SAMTOR: variants seen among roughly 807,000 people sequenced by gnomAD.
SAMTOR encodes UPF0532 protein C7orf60.
chr7:112,856,596 T>A, the SAMTOR span, among the ~76,000 whole-genome samples: 7 of 152,226 alleles, frequency 4.6e-5, no homozygotes, highest in Non-Finnish European at 8.8e-5. Flanking sequence ...ATATCTTTTT[T>A]GCTATAGTTT....
chr7:112,885,819 A>G, the SAMTOR span, among the ~76,000 whole-genome samples: 5 of 152,136 alleles, frequency 3.3e-5, no homozygotes, highest in African/African-American at 1.2e-4. Context: ...AGTTGCTCCC[A>G]CATTTTTGGG....
At chr7:112,836,586 A>G in the SAMTOR span, among the ~76,000 whole-genome samples, 1 of 151,990 alleles carries the variant, frequency 6.6e-6, no homozygotes, top group Admixed American at 6.6e-5. Context: ...GTTATCTTCC[A>G]AGGTTTTTCT....
the SAMTOR span, among the ~76,000 whole-genome samples, chr7:112,922,510 G>T: frequency 6.6e-6 from 1 of 151,726 alleles, no homozygotes; most frequent in Admixed American, 6.6e-5. Flanking sequence ...TAGGAAGTGA[G>T]GAGCGCCTCT....
chr7:112,864,785 C>A, the SAMTOR span, among the ~76,000 whole-genome samples: 1 of 152,204 alleles, frequency 6.6e-6, no homozygotes, highest in South Asian at 2.1e-4. Flanking sequence ...GACAGGGTCT[C>A]TCTCTGTCAC....
the SAMTOR span, among the ~76,000 whole-genome samples, chr7:112,826,799 A>T: frequency 5.3e-5 from 8 of 152,248 alleles, no homozygotes; most frequent in East Asian, 1.5e-3. Context: ...GCATTTTGAT[A>T]TCTTGTATTT....
the SAMTOR span, among the ~76,000 whole-genome samples, chr7:112,891,260 T>C: frequency 5.9e-5 from 9 of 152,242 alleles, no homozygotes; most frequent in Non-Finnish European, 1.0e-4. Context: ...TTATGCATTA[T>C]AAGCTTTGTA....
chr7:112,908,888 C>A, the SAMTOR span, among the ~76,000 whole-genome samples: 1 of 152,054 alleles, frequency 6.6e-6, no homozygotes, highest in Admixed American at 6.6e-5. Flanking sequence ...ATAACGAGAC[C>A]GGGTGAGACT....
chr7:112,905,126 A>T, the SAMTOR span, among the ~76,000 whole-genome samples: 2 of 152,196 alleles, frequency 1.3e-5, no homozygotes, highest in African/African-American at 4.8e-5. Flanking sequence ...AAATTATTCA[A>T]CCTAGCCAAT....
the SAMTOR span, among the ~76,000 whole-genome samples, chr7:112,869,736 C>A: frequency 6.6e-6 from 1 of 152,068 alleles, no homozygotes; most frequent in African/African-American, 2.4e-5. Context: ...AATAAAATGA[C>A]TGAAATGATA....
the SAMTOR span, among the ~76,000 whole-genome samples, chr7:112,900,783 G>C: frequency 6.6e-6 from 1 of 151,798 alleles, no homozygotes; most frequent in African/African-American, 2.4e-5. Context: ...CAATACAATG[G>C]AGAAAAAAGA....
the SAMTOR span, among the ~76,000 whole-genome samples, chr7:112,861,893 T>C: frequency 1.3e-5 from 2 of 152,214 alleles, no homozygotes; most frequent in Non-Finnish European, 2.9e-5. Flanking sequence ...AATGTTTTCA[T>C]CTGTTGTATT....
At chr7:112,893,901 CAAAAATAAAA>C in the SAMTOR span, among the ~76,000 whole-genome samples, 1 of 152,144 alleles carries the variant, frequency 6.6e-6, no homozygotes, top group Non-Finnish European at 1.5e-5. Flanking sequence ...GACTCCGTCT[CAAAAATAAAA>C]TAAAATACAA....
At chr7:112,841,111 G>C in the SAMTOR span, among the ~76,000 whole-genome samples, 2 of 151,862 alleles carry the variant, frequency 1.3e-5, no homozygotes, top group Admixed American at 6.6e-5. Flanking sequence ...AGAAATAAAG[G>C]GTATTCAAAT....
At chr7:112,880,340 C>T in the SAMTOR span, among the ~76,000 whole-genome samples, 14 of 152,126 alleles carry the variant, frequency 9.2e-5, no homozygotes, top group South Asian at 1.9e-3. Context: ...ACCAGCTAGA[C>T]GATCATACAG....
At chr7:112,876,799 C>T in the SAMTOR span, among the ~76,000 whole-genome samples, 3 of 152,196 alleles carry the variant, frequency 2.0e-5, no homozygotes, top group South Asian at 6.2e-4. Context: ...ACTCAGTCAG[C>T]TGTACTAGTC....
the SAMTOR span, among the ~76,000 whole-genome samples, chr7:112,853,522 C>T: frequency 0.045 from 6,903 of 152,104 alleles, 513 homozygotes; most frequent in African/African-American, 0.16. Context: ...GTGCTGACAA[C>T]AGCATTTTGA....
At chr7:112,870,981 A>C in the SAMTOR span, among the ~76,000 whole-genome samples, 2 of 152,206 alleles carry the variant, frequency 1.3e-5, no homozygotes, top group Non-Finnish European at 2.9e-5. Context: ...AGAAGACTGA[A>C]CTACCCTAAA....
chr7:112,880,810 T>C, the SAMTOR span, among the ~76,000 whole-genome samples: 2 of 152,180 alleles, frequency 1.3e-5, no homozygotes, highest in South Asian at 2.1e-4. Flanking sequence ...ATCACTGAAA[T>C]ACTTACAATT....
chr7:112,938,590 T>C, the SAMTOR span, among the ~76,000 whole-genome samples: 13 of 152,214 alleles, frequency 8.5e-5, no homozygotes, highest in Non-Finnish European at 1.6e-4. Flanking sequence ...TGCTGACTTT[T>C]CAGTTTGCAA....
Sources: gnomAD v4.1 joint callset for allele counts (sites outside exome capture counted in the v4.1 genomes callset) on GRCh38, gnomAD v4.1.1 for gene constraint, MANE v1.5 for transcripts, NCBI Gene and HGNC (gene_info 2026-07-23, HGNC 2026-07-21) for gene names.